The following PPM1L variants were observed in gnomAD, a reference collection of about 807,000 sequenced individuals.
The protein encoded by PPM1L is protein phosphatase, Mg2+/Mn2+ dependent 1L, also known as protein phosphatase 1L.
A neutral mutation model predicts 31.4 loss-of-function variants in PPM1L; 13 were observed. The observed-to-expected ratio is 0.41, with a 90% CI of 0.27 to 0.66. PPM1L has a LOEUF of 0.66. Ranked by LOEUF, PPM1L falls within the 30% of genes least tolerant of loss-of-function variation. The probability of loss-of-function intolerance (pLI) is 0.29; values close to 1 mark genes in which losing one functional copy is unlikely to be tolerated. For synonymous variants in PPM1L, 184 were observed against 175.4 expected (o/e 1.05, Z -0.39); for missense variants, 326 against 453.7 (o/e 0.72, Z 2.56).
At chr3:160,818,987 A>G (rs1170424496) in intron 1 of PPM1L, among the ~76,000 whole-genome samples, 1 of 151,874 alleles carries the variant, frequency 6.6e-6, no homozygotes, top group Non-Finnish European at 1.5e-5. Context: ...CTTGATATTT[A>G]CTATTTGGTA....
chr3:160,990,541 A>T (rs1308692160), intron 2 of PPM1L, among the ~76,000 whole-genome samples: 1 of 152,238 alleles, frequency 6.6e-6, no homozygotes, highest in East Asian at 1.9e-4. Flanking sequence ...CAACAGCTGC[A>T]AATGAAGACT....
In PPM1L at chr3:161,069,230, G is replaced by A; in HGVS notation, c.*73G>A. 1 of 1,168,210 alleles carries A rather than the reference G, an allele frequency of 8.6e-7. No homozygotes were observed. The highest frequency in any genetic ancestry group is 1.2e-6 in the Non-Finnish European group (1 of 840,502). 72.4% of individuals were successfully genotyped at this position (1,168,210 alleles called of 1,614,324 possible). ...CTGGTCTCTTTTAATTTAGTGAAAAGTGTGGGAGTTGTAATTAGGATCATC... is the reference window on the plus strand; with the variant it reads ...CTGGTCTCTTTTAATTTAGTGAAAAATGTGGGAGTTGTAATTAGGATCATC... On this transcript the variant is annotated 3_prime_UTR_variant, in exon 4 of 4. Coordinates refer to ENST00000498165, the MANE Select transcript of PPM1L (RefSeq NM_139245.4).
chr3:160,804,906 T>C (rs1197050253), intron 1 of PPM1L, among the ~76,000 whole-genome samples: 1 of 152,228 alleles, frequency 6.6e-6, no homozygotes, highest in Non-Finnish European at 1.5e-5. Flanking sequence ...GTAAGGGATC[T>C]GCCTCCTTCC....
intron 2 of PPM1L, among the ~76,000 whole-genome samples, chr3:161,047,055 C>T (rs546119577): frequency 7.2e-5 from 11 of 152,256 alleles, no homozygotes; most frequent in Non-Finnish European, 1.0e-4. Context: ...TCTGTCACCA[C>T]GCCTATTCAA....
At chr3:160,892,015 A>AGG (rs1713165687) in intron 1 of PPM1L, among the ~76,000 whole-genome samples, 1 of 152,166 alleles carries the variant, frequency 6.6e-6, no homozygotes, top group Admixed American at 6.5e-5. Flanking sequence ...GGGCTAGGGG[A>AGG]GGGATAGCAT....
chr3:160,978,076 A>G (rs2108031375), intron 2 of PPM1L, among the ~76,000 whole-genome samples: 1 of 152,330 alleles, frequency 6.6e-6, no homozygotes, highest in Admixed American at 6.5e-5. Context: ...GAAAGAGGAA[A>G]CAAGGAAACC....
intron 1 of PPM1L, among the ~76,000 whole-genome samples, chr3:160,863,527 G>T (rs1031469338): frequency 3.3e-5 from 5 of 152,168 alleles, no homozygotes; most frequent in Non-Finnish European, 7.3e-5. Flanking sequence ...TGAGAAGGTT[G>T]ACTTTCTCAT....
chr3:160,822,524 G>A (rs1713229641), intron 1 of PPM1L, among the ~76,000 whole-genome samples: 1 of 151,952 alleles, frequency 6.6e-6, no homozygotes, highest in South Asian at 2.1e-4. Flanking sequence ...TTAATATTAT[G>A]TCATTGTCTT....
At chr3:160,996,149 G>T (rs1450078116) in intron 2 of PPM1L, among the ~76,000 whole-genome samples, 1 of 152,144 alleles carries the variant, frequency 6.6e-6, no homozygotes. Context: ...ATAGATGTTG[G>T]CATGGATGTG....
chr3:161,010,279 T>G (rs1471025607), intron 2 of PPM1L, among the ~76,000 whole-genome samples: 7 of 152,308 alleles, frequency 4.6e-5, no homozygotes, highest in Non-Finnish European at 7.3e-5. Context: ...TGTGCTAGTT[T>G]GCTGAGAATG....
chr3:160,968,411 G>A (rs906503761), intron 2 of PPM1L, among the ~76,000 whole-genome samples: 20 of 152,134 alleles, frequency 1.3e-4, no homozygotes, highest in African/African-American at 4.8e-4. Context: ...GATCAAAATA[G>A]CATTTTACAC....
At chr3:160,889,369 C>G (rs926339020) in intron 1 of PPM1L, among the ~76,000 whole-genome samples, 21 of 152,132 alleles carry the variant, frequency 1.4e-4, no homozygotes, top group African/African-American at 5.1e-4. Context: ...ATACTATAAA[C>G]ACCTCTACAC....
chr3:160,793,099 T>G (rs1290407700), intron 1 of PPM1L, among the ~76,000 whole-genome samples: 3 of 152,122 alleles, frequency 2.0e-5, no homozygotes. Flanking sequence ...CTGGCTGAGG[T>G]AGTGTTTGTC....
intron 1 of PPM1L, among the ~76,000 whole-genome samples, chr3:160,768,798 G>A (rs566746171): frequency 1.2e-3 from 180 of 152,224 alleles, no homozygotes; most frequent in Non-Finnish European, 1.9e-3. Context: ...AAACACTGGA[G>A]ACAGTTATTA....
At chr3:160,983,702 G>T (rs1277762434) in intron 2 of PPM1L, among the ~76,000 whole-genome samples, 1 of 152,126 alleles carries the variant, frequency 6.6e-6, no homozygotes, top group Non-Finnish European at 1.5e-5. Flanking sequence ...CTTTATTGGG[G>T]GAACCCACCC....
intron 1 of PPM1L, among the ~76,000 whole-genome samples, chr3:160,958,300 T>A (rs1348150490): frequency 6.6e-6 from 1 of 152,236 alleles, no homozygotes; most frequent in Non-Finnish European, 1.5e-5. Flanking sequence ...AGTTTTACAT[T>A]AAAGTCTTTA....
At chr3:160,874,626 T>C (rs1009152605) in intron 1 of PPM1L, among the ~76,000 whole-genome samples, 3 of 152,156 alleles carry the variant, frequency 2.0e-5, no homozygotes, top group Admixed American at 6.5e-5. Context: ...ATTCCTCCAT[T>C]GAGAGGTAGA....
intron 1 of PPM1L, among the ~76,000 whole-genome samples, chr3:160,930,726 G>T (rs1348831158): frequency 4.6e-5 from 7 of 152,184 alleles, no homozygotes; most frequent in African/African-American, 1.7e-4. Flanking sequence ...CAGGAGTGGT[G>T]CATGCTGTGG....
intron 1 of PPM1L, among the ~76,000 whole-genome samples, chr3:160,928,845 TC>T (rs1213080264): frequency 6.6e-6 from 1 of 152,108 alleles, no homozygotes; most frequent in African/African-American, 2.4e-5. Flanking sequence ...ATGTTGGGCC[TC>T]CCAGTTTCCA....
Sources: allele counts gnomAD v4.1 joint callset (sites outside exome capture counted in the v4.1 genomes callset), GRCh38; gene constraint gnomAD v4.1.1; transcripts MANE v1.5; gene names NCBI Gene and HGNC (gene_info 2026-07-23, HGNC 2026-07-21).